DIPK1C: variants seen among roughly 807,000 people sequenced by gnomAD.
The protein encoded by DIPK1C is divergent protein kinase domain 1C.
DIPK1C carries 33 observed loss-of-function variants against 28.0 expected under a neutral mutation model. That is an observed-to-expected ratio of 1.18 (90% CI 0.89 to 1.58). DIPK1C has a LOEUF of 1.58. Ranked by LOEUF, DIPK1C falls within the 40% of genes most tolerant of loss-of-function variation. The pLI is 0.00. For missense variants in DIPK1C, 569 were observed against 568.5 expected (o/e 1.00, Z -0.01); for synonymous variants, 255 against 248.8 (o/e 1.02, Z -0.23).
upstream of DIPK1C, among the ~76,000 whole-genome samples, chr18:74,461,344 T>TTTCCTTCCTTCCTTCCTTCC (rs35281614): frequency 2.4e-3 from 287 of 118,472 alleles, 1 homozygote; most frequent in African/African-American, 8.8e-3. Flanking sequence ...TCCTTCCTTC[T>TTTCCTTCCTTCCTTCCTTCC]TTCCTTCCTT....
Position 74,457,145 on chromosome 18 carries a change from C to T in DIPK1C, c.115G>A (p.Ala39Thr), listed in dbSNP as rs1986533842. ...AAWTAGWVLA[A>T]ALLLRAHPGV... ...GGGTGCGCGCGGAGCAGCAGCGCGGCCGCCAGCACCCAGCCCGCGGTCCAC... is the reference window on the plus strand; with the variant it reads ...GGGTGCGCGCGGAGCAGCAGCGCGGTCGCCAGCACCCAGCCCGCGGTCCAC... The change falls in exon 1 of 4, where the codon GCC (alanine) becomes ACC (threonine). Residue 39 changes from alanine (A) to threonine (T), a missense_variant. Transcript: ENST00000343998. 2 of 1,409,770 alleles carry T rather than the reference C, an allele frequency of 1.4e-6. No individual in the cohort carries two copies. Among genetic ancestry groups the T allele is most frequent in the African/African-American group, 3.0e-5 (2 of 66,284 alleles). The allele number at this position is 1,409,770 out of a possible 1,614,324, so 87.3% of individuals were successfully genotyped here.
the DIPK1C span, among the ~76,000 whole-genome samples, chr18:74,463,166 C>T: frequency 6.6e-6 from 1 of 152,188 alleles, no homozygotes; most frequent in South Asian, 2.1e-4. Flanking sequence ...ATCCTTTGAT[C>T]TTAGAACAAC....
At position 74,446,849 on chromosome 18, in the gene DIPK1C, G is replaced by T. The variant is rs1002792589; in HGVS notation, c.633C>A (p.Pro211=). The part of the protein sequence containing the change: ...LLQDLSPHVL[P]VLGSCGHFYA... ...AGAAGTGGCCGCAGGAACCCAGCAC[G>T]GGCAGCACGTGTGGGCTCAGGTCCT... Residue 211 remains proline, a synonymous_variant, in exon 2 of 4, where the codon CCC becomes CCA. Transcript: ENST00000343998. 1.3e-6 allele frequency: 2 copies of T among 1,508,442 alleles called. No homozygotes were observed. The highest frequency in any genetic ancestry group is 1.4e-5 in the African/African-American group (1 of 71,876). 93.4% of individuals were successfully genotyped at this position (1,508,442 alleles called of 1,614,324 possible).
In DIPK1C at chr18:74,445,176, C is replaced by A. The variant is rs1986231279; in HGVS notation, c.876+1430G>T. ...TGGGGGTGGGGGTTGTACGTGGACA[C>A]TCCCTGACTTCCTCCCCAAGGCCTT... On this transcript the variant is annotated intron_variant, in intron 2 of 3. Coordinates refer to ENST00000343998, the MANE Select transcript of DIPK1C (RefSeq NM_001044369.3). 2.6e-5 allele frequency among the ~76,000 whole-genome samples: 4 copies of A among 152,184 alleles called. 1 individual carries two copies. In the South Asian group the frequency reaches 8.3e-4, roughly 32 times the overall value.
chr18:74,441,271 T>G (rs1424223336), intron 3 of DIPK1C, among the ~76,000 whole-genome samples: 1 of 152,172 alleles, frequency 6.6e-6, no homozygotes, highest in African/African-American at 2.4e-5. Flanking sequence ...GGGGAAGGTC[T>G]GCCTAGACAC....
intron 1 of DIPK1C, among the ~76,000 whole-genome samples, chr18:74,455,230 A>G (rs576823286): frequency 2.3e-3 from 345 of 152,302 alleles, no homozygotes; most frequent in African/African-American, 7.8e-3. Flanking sequence ...ATTATACTAG[A>G]CGATTTAATT....
intron 3 of DIPK1C, 146 bp from the exon 4 acceptor site, chr18:74,436,865 G>A (rs1986009604): frequency 5.7e-6 from 4 of 703,116 alleles, no homozygotes; most frequent in Non-Finnish European, 9.0e-6. Context: ...GAGACCATCC[G>A]ATTTGGAAAC....
At chr18:74,464,128 G>A in the DIPK1C span, among the ~76,000 whole-genome samples, 7 of 152,148 alleles carry the variant, frequency 4.6e-5, no homozygotes, top group Non-Finnish European at 8.8e-5. Context: ...GACAGCACTG[G>A]CTTCATCAGT....
Position 74,446,858 on chromosome 18 carries a change from G to T in DIPK1C, c.624C>A (p.His208Gln), listed in dbSNP as rs900083854. 2.0e-6 allele frequency: 3 copies of T among 1,515,232 alleles called. No individual in the cohort carries two copies. The East Asian group carries it at 7.4e-5, about 38-fold the overall frequency. 93.9% of individuals were successfully genotyped at this position (1,515,232 alleles called of 1,614,324 possible). A position where few individuals can be genotyped will look rare whatever the true frequency, so the allele number is the denominator to read the frequency against. The change falls in exon 2 of 4, where the codon CAC (histidine) becomes CAA (glutamine). Residue 208 changes from histidine (H) to glutamine (Q), a missense_variant. Coordinates refer to ENST00000343998, the MANE Select transcript of DIPK1C (RefSeq NM_001044369.3). ...YFSLLQDLSP[H>Q]VLPVLGSCGH... ...CGCAGGAACCCAGCACGGGCAGCAC[G>T]TGTGGGCTCAGGTCCTGCAGCAGGC... is the stretch of plus-strand genomic sequence containing the variant.
chr18:74,459,077 C>T (rs375345353), upstream of DIPK1C, among the ~76,000 whole-genome samples: 6 of 152,354 alleles, frequency 3.9e-5, no homozygotes, highest in East Asian at 7.7e-4. Context: ...CACTCTAGCC[C>T]GGACAACAGA....
chr18:74,442,155 G>A (rs781528363), intron 2 of DIPK1C, 39 bp from the exon 3 acceptor site: 2 of 1,610,798 alleles, frequency 1.2e-6, no homozygotes, highest in African/African-American at 1.3e-5. Flanking sequence ...AAGGGCTACT[G>A]GTGGGCTCTG....
chr18:74,461,325 T>C (rs1409655674), upstream of DIPK1C, among the ~76,000 whole-genome samples: 2 of 147,804 alleles, frequency 1.4e-5, no homozygotes, highest in Non-Finnish European at 3.0e-5. Context: ...TTTTTCTTTT[T>C]CTTTTCCTTC....
intron 3 of DIPK1C, among the ~76,000 whole-genome samples, chr18:74,438,908 A>G (rs1986057157): frequency 6.6e-6 from 1 of 152,192 alleles, no homozygotes; most frequent in Non-Finnish European, 1.5e-5. Flanking sequence ...CAATCACTAG[A>G]TGCTGCCCCT....
chr18:74,462,334 G>C (rs1287075149), upstream of DIPK1C, among the ~76,000 whole-genome samples: 1 of 152,182 alleles, frequency 6.6e-6, no homozygotes, highest in Non-Finnish European at 1.5e-5. Flanking sequence ...CAGAATCATA[G>C]AGCAGGCATC....
rs150128684 is a variant in DIPK1C at position 74,445,497 on chromosome 18, C to T, written c.876+1109G>A. Among the ~76,000 whole-genome samples, 491 of 152,364 alleles carry T rather than the reference C, an allele frequency of 3.2e-3. 1 individual carries two copies. Among genetic ancestry groups the T allele is most frequent in the African/African-American group, 0.011 (469 of 41,590 alleles). On this transcript the variant is annotated intron_variant, in intron 2 of 3. Transcript: ENST00000343998. Reference sequence around the variant, plus strand: ...AGGGCATGCTTAGAGAAGGGATTTACACCGGCAGCAAATTTAGTTTTCCAG... The same window carrying T: ...AGGGCATGCTTAGAGAAGGGATTTATACCGGCAGCAAATTTAGTTTTCCAG...
chr18:74,446,698 C>A lies in DIPK1C; in HGVS notation c.784G>T (p.Asp262Tyr). The A allele has an allele frequency of 6.5e-7, 1 of 1,540,126 alleles. No individual in the cohort carries two copies. The highest frequency in any genetic ancestry group is 8.8e-7 in the Non-Finnish European group (1 of 1,141,344). ...AISDIALSFL[D>Y]MVNHFDSDFS... is the part of the protein sequence containing the mutation. ...TCACTGTCAAAATGGTTCACCATGT[C>A]CAAGAAGCTGAGTGCGATGTCACTG... is the stretch of plus-strand genomic sequence containing the variant. The change falls in exon 2 of 4, where the codon GAC (aspartate) becomes TAC (tyrosine). Residue 262 changes from aspartate (D) to tyrosine (Y), a missense_variant. Coordinates refer to ENST00000343998, the MANE Select transcript of DIPK1C (RefSeq NM_001044369.3).
chr18:74,435,425 G>A lies in DIPK1C; in HGVS notation c.*1076C>T, dbSNP rs2241506. The A allele has an allele frequency of 0.33, 50,737 of 152,054 alleles. 8,931 individuals carry two copies. Among genetic ancestry groups the A allele is most frequent in the Non-Finnish European group, 0.39 (26,591 of 67,966 alleles). The allele number at this position is 152,054 out of a possible 1,614,324, so 9.4% of individuals were successfully genotyped here. On this transcript the variant is annotated 3_prime_UTR_variant, in exon 4 of 4. Coordinates refer to ENST00000343998, the MANE Select transcript of DIPK1C (RefSeq NM_001044369.3). ...CTCCTTGGGATCACCACTGATGAGC[G>A]TATCATGCCACCATAGGATTTGATG...
chr18:74,463,157 T>A, the DIPK1C span, among the ~76,000 whole-genome samples: 2 of 152,176 alleles, frequency 1.3e-5, no homozygotes, highest in African/African-American at 4.8e-5. Flanking sequence ...CACAGTGTTA[T>A]CCTTTGATCT....
In DIPK1C at chr18:74,447,617, G is replaced by T. The variant is rs777805884; in HGVS notation, c.199-334C>A. Among the ~76,000 whole-genome samples, 1 of 152,154 alleles carries T rather than the reference G, an allele frequency of 6.6e-6. No individual in the cohort carries two copies. Among genetic ancestry groups the T allele is most frequent in the African/African-American group, 2.4e-5 (1 of 41,438 alleles). On this transcript the variant is annotated intron_variant, in intron 1 of 3. Coordinates refer to ENST00000343998, the MANE Select transcript of DIPK1C (RefSeq NM_001044369.3). The surrounding 1 kb of genome is among the most constrained non-coding windows in gnomAD (Gnocchi z 4.1). ...GAGGCCAGGAAACCAACAGGTGAAG[G>T]GGCTGGACCAGGCCAGTAGCTCTCG...
Sources: allele counts gnomAD v4.1 joint callset (sites outside exome capture counted in the v4.1 genomes callset), GRCh38; gene constraint gnomAD v4.1.1; non-coding constraint Gnocchi (gnomAD v3.1); transcripts MANE v1.5; gene names NCBI Gene and HGNC (gene_info 2026-07-23, HGNC 2026-07-21).